SEC14L3: variants seen among roughly 807,000 people sequenced by gnomAD.
SEC14L3 encodes SEC14 like lipid binding 3, also known as SEC14-like protein 3.
SEC14L3 carries 56 observed loss-of-function variants against 57.4 expected under a neutral mutation model. The observed-to-expected ratio is 0.97, with a 90% CI of 0.79 to 1.22. The LOEUF (loss-of-function observed/expected upper bound fraction) is 1.22, where lower values mean the gene tolerates loss of function less well. SEC14L3 is among the 50% of genes most tolerant of loss of function. The pLI is 0.00. For missense variants in SEC14L3, 485 were observed against 511.7 expected (o/e 0.95, Z 0.50); for synonymous variants, 173 against 194.4 (o/e 0.89, Z 0.92).
intron 12 of SEC14L3, among the ~76,000 whole-genome samples, chr22:30,453,073 T>A (rs1935018815): frequency 1.3e-5 from 2 of 152,166 alleles, no homozygotes; most frequent in South Asian, 4.1e-4. Flanking sequence ...TCTAGCACAC[T>A]GGGCAGTGAG....
rs1484806954 is a variant in SEC14L3, at chr22:30,459,240, T to A, written c.*781A>T. ...GAGCACTCGCCAAATGATAGTTGTTTTCTTTATTATGATTATGCCAGATGT... is the reference window on the plus strand; with the variant it reads ...GAGCACTCGCCAAATGATAGTTGTTATCTTTATTATGATTATGCCAGATGT... On this transcript the variant is annotated 3_prime_UTR_variant, in exon 12 of 12. Coordinates refer to ENST00000215812, the MANE Select transcript of SEC14L3 (RefSeq NM_174975.5). 1 of 983,640 alleles carries A rather than the reference T, an allele frequency of 1.0e-6. No individual in the cohort carries two copies. Among genetic ancestry groups the A allele is most frequent in the African/African-American group, 1.7e-5 (1 of 57,192 alleles). 60.9% of individuals were successfully genotyped at this position (983,640 alleles called of 1,614,324 possible). A position where few individuals can be genotyped will look rare whatever the true frequency, so the allele number is the denominator to read the frequency against.
chr22:30,457,225 C>T (rs1326846395), downstream of SEC14L3, among the ~76,000 whole-genome samples: 1 of 152,090 alleles, frequency 6.6e-6, no homozygotes, highest in South Asian at 2.1e-4. Flanking sequence ...CCACCGTCTT[C>T]CAAGAAGGTG....
chr22:30,464,503 TCA>T (rs1935355684), intron 8 of SEC14L3, among the ~76,000 whole-genome samples: 1 of 152,176 alleles, frequency 6.6e-6, no homozygotes, highest in African/African-American at 2.4e-5. Context: ...TGAACACGAC[TCA>T]CTGCAGCTTC....
At chr22:30,461,051 T>C (rs964257597) in intron 11 of SEC14L3, among the ~76,000 whole-genome samples, 4 of 152,174 alleles carry the variant, frequency 2.6e-5, no homozygotes, top group African/African-American at 4.8e-5. Context: ...AAACTACACC[T>C]GCCCTATCAC....
chr22:30,448,841 AT>A (rs1934927509), exon 13 of SEC14L3: 1 of 445,838 alleles, frequency 2.2e-6, no homozygotes, highest in African/African-American at 1.9e-5. Flanking sequence ...GCAGTGAGCT[AT>A]GATCGCACCA....
intron 12 of SEC14L3, among the ~76,000 whole-genome samples, chr22:30,451,007 G>C (rs1021072679): frequency 6.6e-6 from 1 of 152,262 alleles, no homozygotes; most frequent in Non-Finnish European, 1.5e-5. Flanking sequence ...CCTCCTGACT[G>C]GGCAGGTCTT....
In SEC14L3 at chr22:30,459,545, T is replaced by G; in HGVS notation, c.*476A>C. The G allele has an allele frequency of 1.0e-6, 1 of 986,942 alleles. No homozygotes were observed. The highest frequency in any genetic ancestry group is 4.7e-5 in the South Asian group (1 of 21,384). 61.1% of individuals were successfully genotyped at this position (986,942 alleles called of 1,614,324 possible). A position where few individuals can be genotyped will look rare whatever the true frequency, so the allele number is the denominator to read the frequency against. ...ACCCCACATAGGCTCCTCCTAATCA[T>G]GTACAGCTGTTGAGTCACCTGCACC... On this transcript the variant is annotated 3_prime_UTR_variant, in exon 12 of 12. Transcript: ENST00000215812.
intron 12 of SEC14L3, among the ~76,000 whole-genome samples, chr22:30,451,673 C>T (rs934799652): frequency 6.6e-6 from 1 of 152,144 alleles, no homozygotes; most frequent in Non-Finnish European, 1.5e-5. Flanking sequence ...CGGACACTCC[C>T]TGCACTTACG....
At chr22:30,451,711 C>T (rs533504231) in intron 12 of SEC14L3, among the ~76,000 whole-genome samples, 2 of 151,984 alleles carry the variant, frequency 1.3e-5, no homozygotes, top group Middle Eastern at 3.4e-3. Context: ...GGCTGATGGC[C>T]GGGCCCGGTG....
At chr22:30,455,520 A>G (rs1211373174), downstream of SEC14L3, among the ~76,000 whole-genome samples, 2 of 152,076 alleles carry the variant, frequency 1.3e-5, no homozygotes, top group African/African-American at 4.8e-5. Context: ...CTGGAATTAC[A>G]GGCACGAGCC....
intron 12 of SEC14L3, among the ~76,000 whole-genome samples, chr22:30,451,522 C>A (rs953829064): frequency 6.6e-6 from 1 of 152,110 alleles, no homozygotes; most frequent in Non-Finnish European, 1.5e-5. Context: ...AATTCTTGGA[C>A]TTACAGAATA....
intron 6 of SEC14L3, among the ~76,000 whole-genome samples, 175 bp downstream of exon 6, chr22:30,466,807 A>AC (rs567951974): frequency 2.4e-4 from 36 of 152,152 alleles, no homozygotes; most frequent in Admixed American, 5.2e-4. Context: ...TGTCCCTGAA[A>AC]CCCATTCTGT....
downstream of SEC14L3, among the ~76,000 whole-genome samples, chr22:30,457,594 G>C (rs1057021546): frequency 5.3e-5 from 8 of 151,898 alleles, no homozygotes; most frequent in African/African-American, 1.7e-4. Context: ...CATTGGCCAA[G>C]CTGGTCTCGA....
rs757894200 is a variant in SEC14L3, at chr22:30,470,126, G to C, written c.175-48C>G. On this transcript the variant is annotated intron_variant, in intron 3 of 11. Coordinates refer to ENST00000215812, the MANE Select transcript of SEC14L3 (RefSeq NM_174975.5). ...GATCCCACTGGGCTCCCAGTGCCCT[G>C]AGAACAGGGATGGAAGGAGGGGCTT... The C allele has an allele frequency of 2.5e-6, 4 of 1,611,046 alleles. No individual in the cohort carries two copies. The Admixed American group carries it at 5.0e-5, about 20-fold the overall frequency.
intron 8 of SEC14L3, 96 bp downstream of exon 8, chr22:30,464,724 C>T: frequency 8.6e-7 from 1 of 1,157,992 alleles, no homozygotes; most frequent in East Asian, 2.4e-5. Context: ...AGCCACTGCA[C>T]CCAACCTAAT....
downstream of SEC14L3, among the ~76,000 whole-genome samples, chr22:30,454,941 ATAT>A (rs1421514073): frequency 1.5e-4 from 5 of 34,136 alleles, no homozygotes; most frequent in African/African-American, 2.3e-4. Flanking sequence ...GATATATAAT[ATAT>A]TATTATATAT....
rs200541422 is a variant in SEC14L3, at chr22:30,470,578, C to T, written c.59G>A (p.Arg20Gln). The T allele has an allele frequency of 1.4e-4, 223 of 1,614,052 alleles. 1 individual carries two copies. Among genetic ancestry groups the T allele is most frequent in the South Asian group, 7.4e-4 (67 of 91,078 alleles). ...PKQAETLAKFRENVQDVLPAL... is the reference protein window; with the variant it reads ...PKQAETLAKFQENVQDVLPAL... ...AGGAAGCACATCCTGGACGTTTTCT[C>T]GGAACTGGCAAGAGAGATGCTGGTT... Residue 20 changes from arginine (R) to glutamine (Q), a missense_variant, in exon 2 of 12, where the codon CGA (arginine) becomes CAA (glutamine). Transcript: ENST00000215812.
chr22:30,470,642 CAA>C, intron 1 of SEC14L3, 60 bp from the exon 2 acceptor site: 2 of 1,610,642 alleles, frequency 1.2e-6, no homozygotes, highest in Non-Finnish European at 1.7e-6. Context: ...CCTCCAGACT[CAA>C]AGACTGTTTT....
At chr22:30,464,952 C>T in intron 7 of SEC14L3, 49 bp from the exon 8 acceptor site, 1 of 1,612,062 alleles carries the variant, frequency 6.2e-7, no homozygotes, top group Non-Finnish European at 8.5e-7. Context: ...TTACATTGGG[C>T]AACCCCCTCC....
Sources: gnomAD v4.1 joint callset for allele counts (sites outside exome capture counted in the v4.1 genomes callset) on GRCh38, gnomAD v4.1.1 for gene constraint, MANE v1.5 for transcripts, NCBI Gene and HGNC (gene_info 2026-07-23, HGNC 2026-07-21) for gene names.